Variants in ROBO2 observed in about 807,000 individuals in gnomAD.
The protein encoded by ROBO2 is roundabout guidance receptor 2.
In ROBO2, 53 loss-of-function variants were observed where a neutral mutation model predicts 160.8. The ratio of observed to expected loss-of-function variants is 0.33; its 90% CI spans 0.26 to 0.41. ROBO2 has a LOEUF of 0.41. ROBO2 is among the 10% of genes least tolerant of loss of function. The probability of loss-of-function intolerance (pLI) is 1.00; values close to 1 mark genes in which losing one functional copy is unlikely to be tolerated. For missense variants in ROBO2, 1,577 were observed against 1,722.4 expected (o/e 0.92, Z 1.49); for synonymous variants, 664 against 611.7 (o/e 1.09, Z -1.26).
intron 2 of ROBO2, among the ~76,000 whole-genome samples, chr3:77,117,953 G>C (rs761591793): frequency 6.6e-6 from 1 of 152,066 alleles, no homozygotes; most frequent in Non-Finnish European, 1.5e-5. Context: ...TGTTACCTTT[G>C]TTCACAAAAT....
At chr3:76,715,501 A>G (rs1391181250) in intron 2 of ROBO2, among the ~76,000 whole-genome samples, 1 of 152,158 alleles carries the variant, frequency 6.6e-6, no homozygotes, top group East Asian at 1.9e-4. Flanking sequence ...TTCTCAAAGC[A>G]TTTCCTTTTG....
At chr3:77,102,969 G>A (rs1039310165) in intron 2 of ROBO2, among the ~76,000 whole-genome samples, 1 of 151,992 alleles carries the variant, frequency 6.6e-6, no homozygotes, top group Admixed American at 6.5e-5. Flanking sequence ...GAGTTAATAA[G>A]CAAGAGGCCT....
chr3:76,359,919 C>T (rs1210190595), intron 2 of ROBO2, among the ~76,000 whole-genome samples: 1 of 152,008 alleles, frequency 6.6e-6, no homozygotes, highest in Non-Finnish European at 1.5e-5. Flanking sequence ...GACACAGAAA[C>T]ATGACACATA....
At chr3:76,308,138 G>A (rs1019604273) in intron 2 of ROBO2, among the ~76,000 whole-genome samples, 7 of 152,056 alleles carry the variant, frequency 4.6e-5, no homozygotes, top group Admixed American at 4.6e-4. Flanking sequence ...CAGCACTTTG[G>A]GAGGCCAAGG....
rs577716795 is a variant in ROBO2 at position 77,412,186 on chromosome 3, CAAAGACA to C, written c.389-65227_389-65221del. Reference sequence around the variant, plus strand: ...TTTGATTAAAGTGAGGACAGCAAGCCAAAGACATCTGTAGGTTCTTTAATCCACATCC... The same window carrying C: ...TTTGATTAAAGTGAGGACAGCAAGCCTCTGTAGGTTCTTTAATCCACATCC... On this transcript the variant is annotated intron_variant, in intron 2 of 25. Coordinates refer to ENST00000461745, the Ensembl canonical transcript of ROBO2. Among the ~76,000 whole-genome samples, 7 of 152,246 alleles carry C rather than the reference CAAAGACA, an allele frequency of 4.6e-5. No homozygotes were observed. The East Asian group carries it at 1.2e-3, about 25-fold the overall frequency.
chr3:76,639,450 G>A (rs1444132666), intron 2 of ROBO2, among the ~76,000 whole-genome samples: 2 of 137,144 alleles, frequency 1.5e-5, no homozygotes, highest in Non-Finnish European at 3.1e-5. Flanking sequence ...ATATATAAGT[G>A]TACCTACACT....
intron 2 of ROBO2, among the ~76,000 whole-genome samples, chr3:77,108,286 GT>G (rs2073112816): frequency 8.3e-6 from 1 of 120,852 alleles, no homozygotes; most frequent in African/African-American, 3.0e-5. Flanking sequence ...ATATATATAT[GT>G]ATACACATAT....
intron 2 of ROBO2, among the ~76,000 whole-genome samples, chr3:76,875,639 G>T (rs1207428722): frequency 6.6e-6 from 1 of 151,754 alleles, no homozygotes; most frequent in Non-Finnish European, 1.5e-5. Context: ...TTCCTTTTTG[G>T]ATTCAGACCC....
chr3:77,640,670 G>A (rs988676565), intron 24 of ROBO2, among the ~76,000 whole-genome samples: 2 of 152,150 alleles, frequency 1.3e-5, no homozygotes, highest in Non-Finnish European at 2.9e-5. Flanking sequence ...AGGCCAGTAA[G>A]AGACTTTATA....
chr3:75,942,567 C>T (rs1461112274), intron 2 of ROBO2, among the ~76,000 whole-genome samples: 1 of 152,020 alleles, frequency 6.6e-6, no homozygotes, highest in Non-Finnish European at 1.5e-5. Context: ...TTGATTTAAG[C>T]GTCTTAAAAT....
In ROBO2 at chr3:77,454,026, G is replaced by A. The variant is rs996194418; in HGVS notation, c.389-23388G>A. Among the ~76,000 whole-genome samples the A allele has an allele frequency of 4.0e-5, 6 of 151,676 alleles. No individual in the cohort carries two copies. The South Asian group carries it at 1.3e-3, about 32-fold the overall frequency. On this transcript the variant is annotated intron_variant, in intron 2 of 25. Coordinates refer to ENST00000461745, the Ensembl canonical transcript of ROBO2. ...CAATCCTCATTTCCCGTTAATGATT[G>A]GACCAGACACCCTCATTAGACATTT...
chr3:76,930,167 G>C (rs369956014), intron 2 of ROBO2, among the ~76,000 whole-genome samples: 2 of 152,076 alleles, frequency 1.3e-5, no homozygotes, highest in East Asian at 3.9e-4. Flanking sequence ...GGGACTACAG[G>C]CACGTGCCCC....
chr3:76,788,198 A>G (rs1218907418), intron 2 of ROBO2, among the ~76,000 whole-genome samples: 3 of 151,454 alleles, frequency 2.0e-5, no homozygotes, highest in South Asian at 2.1e-4. Context: ...AAATAATAAT[A>G]TAATAATAAA....
chr3:76,362,892 T>C (rs2075603666), intron 2 of ROBO2, among the ~76,000 whole-genome samples: 1 of 152,102 alleles, frequency 6.6e-6, no homozygotes, highest in South Asian at 2.1e-4. Flanking sequence ...GTTACGCCAG[T>C]CACTCACTTG....
intron 2 of ROBO2, among the ~76,000 whole-genome samples, chr3:76,407,899 A>G (rs1310485706): frequency 6.6e-6 from 1 of 151,644 alleles, no homozygotes; most frequent in Non-Finnish European, 1.5e-5. Context: ...AACATGTTGT[A>G]ACCTTTCTTA....
Position 77,012,461 on chromosome 3 carries a change from G to A in ROBO2, c.110-85553G>A, listed in dbSNP as rs145893508. Among the ~76,000 whole-genome samples the A allele has an allele frequency of 5.6e-3, 848 of 152,196 alleles. 11 individuals carry two copies. Among genetic ancestry groups the A allele is most frequent in the African/African-American group, 0.019 (773 of 41,528 alleles). On this transcript the variant is annotated intron_variant, in intron 2 of 26. Transcript: ENST00000487694. ...TTCAATGACACCATCAAACCAATTCGAATAACATATGTGAATTTAATCTCC... is the reference window on the plus strand; with the variant it reads ...TTCAATGACACCATCAAACCAATTCAAATAACATATGTGAATTTAATCTCC...
rs998882938 is a variant in ROBO2, at chr3:76,910,420, C to T, written c.110-187594C>T. The stretch of plus-strand genomic sequence containing the variant: ...GGTTTGAATGGGCTATGGAAAGGGG[C>T]ACTTTTAGAAATCATATACATTGTT... On this transcript the variant is annotated intron_variant, in intron 2 of 26. Coordinates refer to the ROBO2 transcript ENST00000487694. 1.1e-4 allele frequency among the ~76,000 whole-genome samples: 17 copies of T among 151,946 alleles called. No homozygotes were observed. In the South Asian group the frequency reaches 1.5e-3, roughly 13 times the overall value.
At chr3:77,020,089 A>C (rs1307429642) in intron 2 of ROBO2, among the ~76,000 whole-genome samples, 2 of 152,208 alleles carry the variant, frequency 1.3e-5, no homozygotes, top group African/African-American at 4.8e-5. Flanking sequence ...TATTTTTTAA[A>C]ACTATTAAAA....
intron 2 of ROBO2, among the ~76,000 whole-genome samples, chr3:76,972,666 G>A (rs974849749): frequency 6.6e-6 from 1 of 152,020 alleles, no homozygotes; most frequent in Non-Finnish European, 1.5e-5. Context: ...AGACAAGCCT[G>A]AGCAACATAG....
Sources: gnomAD v4.1 joint callset for allele counts (sites outside exome capture counted in the v4.1 genomes callset) on GRCh38, gnomAD v4.1.1 for gene constraint, MANE v1.5 for transcripts, NCBI Gene and HGNC (gene_info 2026-07-23, HGNC 2026-07-21) for gene names.